PLEKHA7: variants seen among roughly 807,000 people sequenced by gnomAD.
The protein encoded by PLEKHA7 is pleckstrin homology domain-containing family A member 7.
In PLEKHA7, 104 loss-of-function variants were observed where a neutral mutation model predicts 170.0. The ratio of observed to expected loss-of-function variants is 0.61; its 90% CI spans 0.52 to 0.72. PLEKHA7 has a LOEUF of 0.72. Among genes scored for constraint, PLEKHA7 ranks in the 30% least tolerant of loss-of-function variants. The pLI, the probability that PLEKHA7 is intolerant of heterozygous loss-of-function variation, is 0.00. For missense variants in PLEKHA7, 1,615 were observed against 1,671.7 expected, an observed-to-expected ratio of 0.97 and a Z score of 0.59; for synonymous variants, 648 against 660.8, an observed-to-expected ratio of 0.98 and a Z score of 0.30.
intron 3 of PLEKHA7, among the ~76,000 whole-genome samples, chr11:16,908,927 C>T (rs950690509): frequency 2.0e-5 from 3 of 152,148 alleles, no homozygotes; most frequent in Admixed American, 6.6e-5. Context: ...GTGGGGTTTA[C>T]GGTAATCACC....
intron 3 of PLEKHA7, among the ~76,000 whole-genome samples, chr11:17,002,986 T>G (rs1864761130): frequency 8.2e-6 from 1 of 122,438 alleles, no homozygotes; most frequent in African/African-American, 3.0e-5. Flanking sequence ...AGAATAGTTG[T>G]GCCTTTTTTT....
chr11:17,010,647 T>C (rs565515254), intron 3 of PLEKHA7, among the ~76,000 whole-genome samples: 2 of 152,326 alleles, frequency 1.3e-5, no homozygotes, highest in East Asian at 3.9e-4. Flanking sequence ...ATCTGCTAAA[T>C]ATGAGGAGCA....
At chr11:16,839,814 T>C (rs934281752) in intron 9 of PLEKHA7, among the ~76,000 whole-genome samples, 1 of 152,104 alleles carries the variant, frequency 6.6e-6, no homozygotes, top group Non-Finnish European at 1.5e-5. Flanking sequence ...CAGTCCTCCA[T>C]GGATACCAAG....
rs1323611483 is a variant in PLEKHA7 at position 16,817,422 on chromosome 11, C to A, written c.1344-100G>T. 8.0e-7 allele frequency: 1 copy of A among 1,245,380 alleles called. No homozygotes were observed. Among genetic ancestry groups the A allele is most frequent in the Non-Finnish European group, 1.1e-6 (1 of 907,526 alleles). 77.1% of individuals were successfully genotyped at this position (1,245,380 alleles called of 1,614,324 possible). A position where few individuals can be genotyped will look rare whatever the true frequency, so the allele number is the denominator to read the frequency against. On this transcript the variant is annotated intron_variant, in intron 10 of 26. Coordinates refer to ENST00000531066, the MANE Select transcript of PLEKHA7 (RefSeq NM_001329630.2). The surrounding 1 kb of genome is among the most constrained non-coding windows in gnomAD (Gnocchi z 4.4). Reference sequence around the variant, plus strand: ...AACCCACAAAGCTGGGCATGTGGGACAGTCCTGTAAGAACCTCAAAAGAAT... The same window carrying A: ...AACCCACAAAGCTGGGCATGTGGGAAAGTCCTGTAAGAACCTCAAAAGAAT...
intron 5 of PLEKHA7, 74 bp downstream of exon 5, chr11:16,855,729 T>C (rs1381537177): frequency 9.1e-7 from 1 of 1,103,534 alleles, no homozygotes. Flanking sequence ...GAAGATCAAA[T>C]GGACTTCTGG....
At chr11:16,972,718 G>A (rs1317505291) in intron 3 of PLEKHA7, among the ~76,000 whole-genome samples, 1 of 152,146 alleles carries the variant, frequency 6.6e-6, no homozygotes, top group Non-Finnish European at 1.5e-5. Context: ...ACTACACCTG[G>A]TCAAAACATA....
At chr11:16,855,064 G>A (rs1259862489) in intron 5 of PLEKHA7, 71 bp from the exon 6 acceptor site, 7 of 1,300,418 alleles carry the variant, frequency 5.4e-6, no homozygotes, top group Non-Finnish European at 7.8e-6. Context: ...TGTATGTTAG[G>A]AGGACCGTCG....
chr11:16,947,784 C>T (rs199978258), intron 3 of PLEKHA7, among the ~76,000 whole-genome samples: 7 of 150,884 alleles, frequency 4.6e-5, no homozygotes, highest in East Asian at 2.0e-4. Flanking sequence ...GGCTTGGTGG[C>T]GCATGCCTGT....
intron 3 of PLEKHA7, among the ~76,000 whole-genome samples, chr11:16,953,929 C>T (rs1480059650): frequency 1.3e-5 from 2 of 152,096 alleles, no homozygotes; most frequent in Non-Finnish European, 2.9e-5. Flanking sequence ...CAATAATTTG[C>T]CCTTTATCAT....
At chr11:16,874,754 G>A (rs1219067699) in intron 3 of PLEKHA7, among the ~76,000 whole-genome samples, 1 of 152,134 alleles carries the variant, frequency 6.6e-6, no homozygotes, top group Non-Finnish European at 1.5e-5. Flanking sequence ...CTGAGTGACA[G>A]CACTTGTGTG....
intron 3 of PLEKHA7, among the ~76,000 whole-genome samples, chr11:16,924,374 A>T (rs1178940246): frequency 4.6e-5 from 7 of 152,208 alleles, no homozygotes; most frequent in Admixed American, 2.0e-4. Context: ...GCACTGGCGG[A>T]GCACGCAAGG....
At chr11:16,888,028 G>A (rs1001480265) in intron 3 of PLEKHA7, among the ~76,000 whole-genome samples, 3 of 151,152 alleles carry the variant, frequency 2.0e-5, no homozygotes, top group African/African-American at 7.3e-5. Context: ...TGTGAGGAGC[G>A]CCTCTGCCTG....
At chr11:16,836,605 C>T (rs767516476) in intron 9 of PLEKHA7, among the ~76,000 whole-genome samples, 7 of 152,164 alleles carry the variant, frequency 4.6e-5, no homozygotes, top group Non-Finnish European at 1.0e-4. Flanking sequence ...ATTTAGTCTG[C>T]CTGACGAATA....
chr11:16,844,868 G>C (rs1852262236), intron 8 of PLEKHA7, among the ~76,000 whole-genome samples: 1 of 152,206 alleles, frequency 6.6e-6, no homozygotes, highest in Non-Finnish European at 1.5e-5. Context: ...GCTCATTCTG[G>C]AACTTGCTCA....
intron 8 of PLEKHA7, among the ~76,000 whole-genome samples, chr11:16,842,856 C>A (rs1852083674): frequency 6.6e-6 from 1 of 152,200 alleles, no homozygotes; most frequent in African/African-American, 2.4e-5. Context: ...ATCCTAACAG[C>A]CTTGAGAGGT....
chr11:16,844,524 T>C (rs1852230516), intron 8 of PLEKHA7, among the ~76,000 whole-genome samples: 1 of 152,258 alleles, frequency 6.6e-6, no homozygotes. Flanking sequence ...ATGTGAATCT[T>C]CTCACTCCTG....
At chr11:16,811,925 C>A (rs1849400019) in intron 13 of PLEKHA7, among the ~76,000 whole-genome samples, 1 of 152,160 alleles carries the variant, frequency 6.6e-6, no homozygotes. Flanking sequence ...CTCTTCAAAG[C>A]TTCAAACACA....
chr11:16,836,821 T>TTTTTG (rs1218903305), intron 9 of PLEKHA7, among the ~76,000 whole-genome samples: 3 of 151,880 alleles, frequency 2.0e-5, no homozygotes, highest in African/African-American at 4.8e-5. Flanking sequence ...TTTTCTGTTT[T>TTTTTG]TTTTGTTTTG....
intron 3 of PLEKHA7, among the ~76,000 whole-genome samples, chr11:16,998,639 G>A (rs1864480510): frequency 6.6e-6 from 1 of 152,104 alleles, no homozygotes. Context: ...GGCTGGAAAA[G>A]TTGAAGCAAA....
Sources: allele counts gnomAD v4.1 joint callset (sites outside exome capture counted in the v4.1 genomes callset), GRCh38; gene constraint gnomAD v4.1.1; non-coding constraint Gnocchi (gnomAD v3.1); transcripts MANE v1.5; gene names NCBI Gene and HGNC (gene_info 2026-07-23, HGNC 2026-07-21).